SPATA22: variants seen among roughly 807,000 people sequenced by gnomAD.
SPATA22 encodes spermatogenesis-associated protein 22.
A neutral mutation model predicts 47.8 loss-of-function variants in SPATA22; 29 were observed. The ratio of observed to expected loss-of-function variants is 0.61; its 90% confidence interval spans 0.45 to 0.83. The LOEUF is 0.83. SPATA22 is among the 40% of genes least tolerant of loss of function. The pLI is 0.00. For synonymous variants in SPATA22, 133 were observed against 140.9 expected, an observed-to-expected ratio of 0.94 and a Z score of 0.40; for missense variants, 410 against 421.7, an observed-to-expected ratio of 0.97 and a Z score of 0.24.
chr17:3,458,111 T>G (rs2073037725), intron 5 of SPATA22, among the ~76,000 whole-genome samples: 1 of 152,106 alleles, frequency 6.6e-6, no homozygotes, highest in Non-Finnish European at 1.5e-5. Flanking sequence ...ATTTAAGGAA[T>G]TCACAGAACT....
chr17:3,464,363 C>T (rs1225690040), intron 3 of SPATA22, among the ~76,000 whole-genome samples: 1 of 151,270 alleles, frequency 6.6e-6, no homozygotes, highest in East Asian at 1.9e-4. Flanking sequence ...GCCTTGGCCT[C>T]CCAAAGTGCC....
chr17:3,470,433 C>A (rs970172371), intron 1 of SPATA22, among the ~76,000 whole-genome samples: 5 of 152,142 alleles, frequency 3.3e-5, no homozygotes, highest in Non-Finnish European at 5.9e-5. Context: ...TGTTAACTTT[C>A]AAATATCGTT....
At chr17:3,478,900 C>T (rs141594778) in intron 1 of SPATA22, among the ~76,000 whole-genome samples, 99 of 152,262 alleles carry the variant, frequency 6.5e-4, no homozygotes, top group African/African-American at 2.1e-3. Context: ...CTAAGTCCTC[C>T]CAATTATTCC....
intron 1 of SPATA22, chr17:3,503,167 T>C (rs2074009988): frequency 6.6e-6 from 1 of 152,146 alleles, no homozygotes; most frequent in Non-Finnish European, 1.5e-5. Context: ...TAATCATAGT[T>C]TCAAATGTAT....
At chr17:3,498,986 CGTG>C in intron 1 of SPATA22, 1 of 1,614,078 alleles carries the variant, frequency 6.2e-7, no homozygotes, top group Non-Finnish European at 8.5e-7. Context: ...CCGTGTACCC[CGTG>C]TTTGTGAATG....
chr17:3,487,073 C>CATGTGTGT (rs141155264), intron 1 of SPATA22, among the ~76,000 whole-genome samples: 206 of 150,880 alleles, frequency 1.4e-3, no homozygotes, highest in Non-Finnish European at 2.3e-3. Context: ...TGTGTGTGTG[C>CATGTGTGT]GTGTGTGTGT....
intron 7 of SPATA22, 122 bp downstream of exon 7, chr17:3,446,350 G>A: frequency 1.1e-6 from 1 of 899,740 alleles, no homozygotes; most frequent in Non-Finnish European, 1.6e-6. Flanking sequence ...CCAGTTCTTT[G>A]AATACACTTT....
At chr17:3,448,761 T>A (rs2072785487) in intron 6 of SPATA22, 46 bp downstream of exon 6, 5 of 1,409,612 alleles carry the variant, frequency 3.5e-6, no homozygotes, top group Non-Finnish European at 4.8e-6. Context: ...TTACCTCATA[T>A]TTTTAAAAAT....
chr17:3,454,947 C>T (rs965220546), intron 5 of SPATA22, among the ~76,000 whole-genome samples: 2 of 151,524 alleles, frequency 1.3e-5, no homozygotes, highest in African/African-American at 4.8e-5. Context: ...TTCTCCACAT[C>T]CTCTCCAGCA....
At chr17:3,444,466 C>T (rs997635607) in intron 7 of SPATA22, among the ~76,000 whole-genome samples, 5 of 151,956 alleles carry the variant, frequency 3.3e-5, no homozygotes, top group South Asian at 2.1e-4. Context: ...AAGAATATGA[C>T]GGTGTGGTAT....
At chr17:3,448,182 T>G (rs546936870) in intron 6 of SPATA22, among the ~76,000 whole-genome samples, 1 of 152,302 alleles carries the variant, frequency 6.6e-6, no homozygotes, top group South Asian at 2.1e-4. Flanking sequence ...TAGTAGACTA[T>G]GAAATATGAG....
chr17:3,450,344 A>G (rs1567594851), intron 5 of SPATA22, among the ~76,000 whole-genome samples: 1 of 152,244 alleles, frequency 6.6e-6, no homozygotes, highest in Non-Finnish European at 1.5e-5. Flanking sequence ...AATTGGGTAC[A>G]AAGTTAGTAC....
rs1167672088 is a variant in SPATA22, at chr17:3,490,704, C to G, written c.-73-21306G>C. Reference sequence around the variant, plus strand: ...AGATCACAACATACTTACAATAAACCCTCTGAATAGGAAGTGTGGGACTAC... The same window carrying G: ...AGATCACAACATACTTACAATAAACGCTCTGAATAGGAAGTGTGGGACTAC... On this transcript the variant is annotated intron_variant, in intron 1 of 8. Coordinates refer to the SPATA22 transcript ENST00000541913. This position sits in a 1 kb window ranked among gnomAD's most constrained non-coding sequence, Gnocchi z 4.6. 6.6e-6 allele frequency among the ~76,000 whole-genome samples: 1 copy of G among 152,094 alleles called. No homozygotes were observed. The highest frequency in any genetic ancestry group is 1.5e-5 in the Non-Finnish European group (1 of 68,024).
At chr17:3,477,613 C>T (rs2073549410) in intron 1 of SPATA22, among the ~76,000 whole-genome samples, 1 of 151,906 alleles carries the variant, frequency 6.6e-6, no homozygotes, top group African/African-American at 2.4e-5. Flanking sequence ...CCACCATGTC[C>T]GGGTAATTTT....
At position 3,486,099 on chromosome 17, in the gene SPATA22, A is replaced by T. The variant is rs531414049; in HGVS notation, c.-73-16701T>A. The stretch of plus-strand genomic sequence containing the variant: ...AGGTGCCCACCACCATACCCAGCAA[A>T]TTTTTTGCATTTTTAGTAGAGACAG... On this transcript the variant is annotated intron_variant, in intron 1 of 8. Coordinates refer to the SPATA22 transcript ENST00000541913. Among the ~76,000 whole-genome samples the T allele has an allele frequency of 7.2e-5, 11 of 151,884 alleles. No individual in the cohort carries two copies. In the South Asian group the frequency reaches 1.9e-3, roughly 26 times the overall value.
At chr17:3,501,512 A>C (rs2073989172) in intron 1 of SPATA22, 2 of 153,542 alleles carry the variant, frequency 1.3e-5, no homozygotes, top group Non-Finnish European at 2.9e-5. Context: ...CGCTTCTTAT[A>C]AATGAGCAAA....
intron 1 of SPATA22, among the ~76,000 whole-genome samples, chr17:3,487,708 T>G (rs2073750644): frequency 6.6e-6 from 1 of 152,206 alleles, no homozygotes; most frequent in Non-Finnish European, 1.5e-5. Flanking sequence ...AATCATTGAC[T>G]AGGGGATTAT....
chr17:3,463,592 C>T (rs7216031), intron 3 of SPATA22, among the ~76,000 whole-genome samples: 85,369 of 151,606 alleles, frequency 0.56, 25,726 homozygotes, highest in Non-Finnish European at 0.68. Flanking sequence ...TGAGTGAATA[C>T]GAAGGCCTAG....
intron 1 of SPATA22, among the ~76,000 whole-genome samples, chr17:3,510,240 G>T (rs8067651): frequency 6.6e-6 from 1 of 152,150 alleles, no homozygotes; most frequent in East Asian, 1.9e-4. Context: ...CTTCAAGCCC[G>T]TGAGTCTCCT....
Sources: allele counts gnomAD v4.1 joint callset (sites outside exome capture counted in the v4.1 genomes callset), GRCh38; gene constraint gnomAD v4.1.1; non-coding constraint Gnocchi (gnomAD v3.1); transcripts MANE v1.5; gene names NCBI Gene and HGNC (gene_info 2026-07-23, HGNC 2026-07-21).